The following HDAC4 variants were observed in gnomAD, a reference collection of about 807,000 sequenced individuals.
The protein encoded by HDAC4 is histone deacetylase A.
Under a neutral mutation model 135.1 loss-of-function variants are expected in HDAC4, and 16 were observed. That is an observed-to-expected ratio of 0.12 (90% CI 0.08 to 0.18). The LOEUF (loss-of-function observed/expected upper bound fraction) is 0.18, where lower values mean the gene tolerates loss of function less well. HDAC4 is among the 10% of genes least tolerant of loss of function. The pLI is 1.00. For synonymous variants in HDAC4, 685 were observed against 653.4 expected, an observed-to-expected ratio of 1.05 and a Z score of -0.74; for missense variants, 1,143 against 1,511.8, an observed-to-expected ratio of 0.76 and a Z score of 4.05.
In HDAC4 at chr2:239,272,735, C is replaced by T. The variant is rs908127632; in HGVS notation, c.23-36071G>A. ...TGCACTCACCCCCAATGCACCCCTG[C>T]GCTGCTGCTGTGGGTGCCCCAGGCG... On this transcript the variant is annotated intron_variant, in intron 2 of 26. Coordinates refer to ENST00000543185, the MANE Select transcript of HDAC4 (RefSeq NM_001378414.1). Among the ~76,000 whole-genome samples, 4 of 152,228 alleles carry T rather than the reference C, an allele frequency of 2.6e-5. No homozygotes were observed. The South Asian group carries it at 8.3e-4, about 31-fold the overall frequency.
chr2:239,162,843 C>T (rs1245738772), intron 6 of HDAC4, among the ~76,000 whole-genome samples: 1 of 152,076 alleles, frequency 6.6e-6, no homozygotes, highest in Non-Finnish European at 1.5e-5. Flanking sequence ...GGGATCGCGT[C>T]TGAGCTGTGG....
intron 1 of HDAC4, among the ~76,000 whole-genome samples, chr2:239,381,637 CTAAA>C (rs1316331560): frequency 6.6e-6 from 1 of 152,148 alleles, no homozygotes; most frequent in Admixed American, 6.5e-5. Context: ...ACTTCTAATG[CTAAA>C]TAAATGCTCA....
intron 22 of HDAC4, among the ~76,000 whole-genome samples, chr2:239,073,595 T>C (rs1387625580): frequency 6.6e-6 from 1 of 152,266 alleles, no homozygotes; most frequent in Non-Finnish European, 1.5e-5. Flanking sequence ...GTCCTGTCCA[T>C]ACAACTTCTG....
intron 7 of HDAC4, among the ~76,000 whole-genome samples, chr2:239,145,869 C>T (rs560696610): frequency 4.2e-4 from 64 of 152,314 alleles, no homozygotes; most frequent in African/African-American, 1.5e-3. Context: ...CTCTTTGGGA[C>T]GTGCAGACAG....
At chr2:239,121,322 A>G (rs1486660969) in intron 12 of HDAC4, among the ~76,000 whole-genome samples, 1 of 152,098 alleles carries the variant, frequency 6.6e-6, no homozygotes, top group Non-Finnish European at 1.5e-5. Flanking sequence ...TCCTTCCCCT[A>G]TGCACAGATG....
chr2:239,382,491 T>C (rs143378428), intron 1 of HDAC4, among the ~76,000 whole-genome samples: 2 of 152,366 alleles, frequency 1.3e-5, no homozygotes, highest in East Asian at 3.9e-4. Context: ...TTCTACTTTG[T>C]GCCTTTCTGA....
At chr2:239,354,703 A>G (rs2125930455) in intron 1 of HDAC4, among the ~76,000 whole-genome samples, 1 of 149,244 alleles carries the variant, frequency 6.7e-6, no homozygotes, top group East Asian at 2.0e-4. Context: ...TGTATCTACA[A>G]CTCTGATTAA....
chr2:239,084,124 G>A (rs950341764), intron 20 of HDAC4, 31 bp downstream of exon 20: 6 of 1,546,862 alleles, frequency 3.9e-6, no homozygotes, highest in Non-Finnish European at 4.5e-6. Flanking sequence ...GGAGCAACCT[G>A]AGCTGCGCTG....
chr2:239,288,199 G>A (rs1163109175), intron 2 of HDAC4, among the ~76,000 whole-genome samples: 1 of 152,152 alleles, frequency 6.6e-6, no homozygotes, highest in Non-Finnish European at 1.5e-5. Flanking sequence ...TCCACTGGAA[G>A]AGATAAGGGA....
chr2:239,224,671 T>C (rs2047144144), intron 3 of HDAC4, among the ~76,000 whole-genome samples: 1 of 152,196 alleles, frequency 6.6e-6, no homozygotes, highest in African/African-American at 2.4e-5. Flanking sequence ...TACCATGAAA[T>C]AGGGGTCTCT....
rs3828206 is a variant in HDAC4 at position 239,126,809 on chromosome 2, G to A, written c.1295-115C>T. The A allele has an allele frequency of 0.11, 127,725 of 1,154,148 alleles. 9,769 individuals carry two copies. The highest frequency in any genetic ancestry group is 0.34 in the African/African-American group (22,336 of 66,382). 71.5% of individuals were successfully genotyped at this position (1,154,148 alleles called of 1,614,324 possible). ...GCGCCCTGTGCCCGCCAGCCCAGGC[G>A]TTCTGCCCTGGTGCCCCAGAGCTGG... On this transcript the variant is annotated intron_variant, in intron 11 of 26. Coordinates refer to ENST00000543185, the MANE Select transcript of HDAC4 (RefSeq NM_001378414.1).
At chr2:239,094,967 G>A (rs758746787) in intron 17 of HDAC4, 43 bp downstream of exon 17, 2 of 1,613,334 alleles carry the variant, frequency 1.2e-6, no homozygotes, top group Non-Finnish European at 1.7e-6. Context: ...ACTGGGACTC[G>A]AGAAGAAACA....
chr2:239,381,607 G>T (rs967285325), intron 1 of HDAC4, among the ~76,000 whole-genome samples: 2 of 152,124 alleles, frequency 1.3e-5, no homozygotes, highest in African/African-American at 2.4e-5. Context: ...AATCCATACT[G>T]GGCAAATGCG....
intron 2 of HDAC4, among the ~76,000 whole-genome samples, chr2:239,287,017 G>A (rs1363037455): frequency 6.6e-6 from 1 of 152,200 alleles, no homozygotes; most frequent in Non-Finnish European, 1.5e-5. Context: ...CAAGCAGGAA[G>A]GACAAGTGCA....
chr2:239,250,724 G>A (rs1019900037), intron 2 of HDAC4, among the ~76,000 whole-genome samples: 12 of 152,232 alleles, frequency 7.9e-5, no homozygotes, highest in African/African-American at 2.4e-4. Flanking sequence ...CTGGGACCTC[G>A]ACAGAAAGGA....
Position 239,139,549 on chromosome 2 carries a change from C to A in HDAC4, c.978+135G>T. ...TCCAACTGCGTCCTTTTTAGGATGGCTCACAGGCCACTTTCCCTCACCCCA... is the reference window on the plus strand; with the variant it reads ...TCCAACTGCGTCCTTTTTAGGATGGATCACAGGCCACTTTCCCTCACCCCA... On this transcript the variant is annotated intron_variant, in intron 9 of 26. Transcript: ENST00000543185. This position sits in a 1 kb window ranked among gnomAD's most constrained non-coding sequence, Gnocchi z 5.3. 1 of 833,516 alleles carries A rather than the reference C, an allele frequency of 1.2e-6. No individual in the cohort carries two copies. The highest frequency in any genetic ancestry group is 2.1e-6 in the Non-Finnish European group (1 of 476,500). 51.6% of individuals were successfully genotyped at this position (833,516 alleles called of 1,614,324 possible). A position where few individuals can be genotyped will look rare whatever the true frequency, so the allele number is the denominator to read the frequency against.
chr2:239,393,278 C>A (rs1180098720), intron 1 of HDAC4, among the ~76,000 whole-genome samples: 1 of 152,224 alleles, frequency 6.6e-6, no homozygotes, highest in African/African-American at 2.4e-5. Flanking sequence ...TCTGAATGGG[C>A]CTGCCTCCAC....
intron 2 of HDAC4, among the ~76,000 whole-genome samples, chr2:239,266,037 G>A (rs1210792152): frequency 6.6e-6 from 1 of 152,170 alleles, no homozygotes; most frequent in Non-Finnish European, 1.5e-5. Context: ...ACAGGGAGGG[G>A]GACACAGAGC....
chr2:239,138,877 C>T (rs2041154263), intron 9 of HDAC4, among the ~76,000 whole-genome samples: 1 of 152,202 alleles, frequency 6.6e-6, no homozygotes, highest in African/African-American at 2.4e-5. Flanking sequence ...GACCTGCTGC[C>T]CTGGAAAGCC....
Sources: gnomAD v4.1 joint callset for allele counts (sites outside exome capture counted in the v4.1 genomes callset) on GRCh38, gnomAD v4.1.1 for gene constraint, Gnocchi (gnomAD v3.1) non-coding constraint, MANE v1.5 for transcripts, NCBI Gene and HGNC (gene_info 2026-07-23, HGNC 2026-07-21) for gene names.